DPP10: variants seen among roughly 807,000 people sequenced by gnomAD.
DPP10 encodes dipeptidyl peptidase like 10, also known as inactive dipeptidyl peptidase 10.
A neutral mutation model predicts 120.9 loss-of-function variants in DPP10; 33 were observed. The observed-to-expected ratio is 0.27, with a 90% CI of 0.21 to 0.37. DPP10 has a LOEUF of 0.37. Ranked by LOEUF, DPP10 falls within the 10% of genes least tolerant of loss-of-function variation. DPP10 has a pLI of 1.00. For missense variants in DPP10, 816 were observed against 942.8 expected (o/e 0.87, Z 1.76); for synonymous variants, 337 against 326.1 (o/e 1.03, Z -0.36).
chr2:114,513,681 T>C (rs559273380), intron 1 of DPP10, among the ~76,000 whole-genome samples: 1 of 152,236 alleles, frequency 6.6e-6, no homozygotes. Context: ...TTGGAATTGC[T>C]ATAGAAAGGA....
intron 1 of DPP10, among the ~76,000 whole-genome samples, chr2:114,923,606 G>T (rs538279028): frequency 1.3e-5 from 2 of 148,932 alleles, no homozygotes; most frequent in East Asian, 2.0e-4. Context: ...AGCCTCCTGA[G>T]TAGCTAGGAC....
At chr2:114,777,859 T>C (rs2106180515) in intron 1 of DPP10, among the ~76,000 whole-genome samples, 1 of 152,146 alleles carries the variant, frequency 6.6e-6, no homozygotes, top group South Asian at 2.1e-4. Flanking sequence ...AGTCAAAGAG[T>C]TCACTGTTCT....
intron 1 of DPP10, among the ~76,000 whole-genome samples, chr2:114,922,376 G>C (rs1695260475): frequency 6.6e-6 from 1 of 152,156 alleles, no homozygotes; most frequent in South Asian, 2.1e-4. Flanking sequence ...CCAATGGCAT[G>C]AACTCAGCTC....
intron 17 of DPP10, among the ~76,000 whole-genome samples, chr2:115,786,094 G>C (rs148199283): frequency 6.6e-6 from 1 of 152,066 alleles, no homozygotes; most frequent in East Asian, 1.9e-4. Context: ...AGTTTGATGT[G>C]CCTGAGGTTA....
chr2:114,636,908 A>T (rs1050263022), intron 1 of DPP10, among the ~76,000 whole-genome samples: 1 of 151,894 alleles, frequency 6.6e-6, no homozygotes, highest in African/African-American at 2.4e-5. Flanking sequence ...ATATGTAAAG[A>T]GGCTCAAATC....
At chr2:115,534,028 C>T (rs1027836570) in intron 5 of DPP10, among the ~76,000 whole-genome samples, 2 of 152,010 alleles carry the variant, frequency 1.3e-5, no homozygotes, top group Non-Finnish European at 2.9e-5. Flanking sequence ...GTATTTACAA[C>T]ATTTTTTGGT....
intron 3 of DPP10, among the ~76,000 whole-genome samples, chr2:115,410,362 C>T (rs577151936): frequency 4.7e-4 from 72 of 152,284 alleles, no homozygotes; most frequent in Non-Finnish European, 9.3e-4. Context: ...CCATTATTCT[C>T]AGCAGACTAA....
At chr2:114,461,972 A>G in intron 1 of DPP10, 1 of 985,432 alleles carries the variant, frequency 1.0e-6, no homozygotes, top group Non-Finnish European at 1.2e-6. Context: ...TCTAAGATAC[A>G]GAAGTCTCCC....
At chr2:114,832,300 G>A (rs564147897) in intron 1 of DPP10, among the ~76,000 whole-genome samples, 6 of 152,312 alleles carry the variant, frequency 3.9e-5, no homozygotes, top group East Asian at 1.9e-4. Context: ...TTTGGAGGCC[G>A]AGGCAGGTGG....
At chr2:114,801,336 A>G (rs911697395) in intron 1 of DPP10, among the ~76,000 whole-genome samples, 21 of 152,134 alleles carry the variant, frequency 1.4e-4, no homozygotes, top group Non-Finnish European at 1.2e-4. Context: ...CAAATGATGA[A>G]TGATTCTAGG....
chr2:115,157,114 A>G (rs1183405291), intron 1 of DPP10, among the ~76,000 whole-genome samples: 5 of 152,168 alleles, frequency 3.3e-5, no homozygotes, highest in Non-Finnish European at 5.9e-5. Context: ...TGGTGTTACA[A>G]TTCAGCTACA....
At chr2:114,641,620 C>T (rs1407286298) in intron 1 of DPP10, among the ~76,000 whole-genome samples, 1 of 151,880 alleles carries the variant, frequency 6.6e-6, no homozygotes, top group Non-Finnish European at 1.5e-5. Flanking sequence ...TTCTTGGCCA[C>T]AACTAAAGTA....
chr2:114,871,045 A>G (rs1461714884), intron 1 of DPP10, among the ~76,000 whole-genome samples: 1 of 132,576 alleles, frequency 7.5e-6, no homozygotes, highest in Admixed American at 8.0e-5. Context: ...GTCTTTATTA[A>G]TTGTCCTTTG....
chr2:115,768,626 G>T (rs1354383609), intron 13 of DPP10, among the ~76,000 whole-genome samples: 2 of 152,078 alleles, frequency 1.3e-5, no homozygotes, highest in African/African-American at 4.8e-5. Flanking sequence ...TGAGTTACAT[G>T]TGTGTCCTAT....
chr2:114,583,481 T>C (rs1690706617), intron 1 of DPP10, among the ~76,000 whole-genome samples: 1 of 152,228 alleles, frequency 6.6e-6, no homozygotes, highest in Admixed American at 6.5e-5. Flanking sequence ...TTATACTCTC[T>C]ATTAAGCACA....
intron 1 of DPP10, among the ~76,000 whole-genome samples, chr2:114,904,502 T>G (rs1693818193): frequency 6.6e-6 from 1 of 152,092 alleles, no homozygotes; most frequent in Non-Finnish European, 1.5e-5. Flanking sequence ...AGAGATGAAT[T>G]GAGGAAGACA....
intron 3 of DPP10, among the ~76,000 whole-genome samples, chr2:115,381,681 G>T (rs984032894): frequency 6.6e-6 from 1 of 152,140 alleles, no homozygotes; most frequent in African/African-American, 2.4e-5. Flanking sequence ...CATCTTTGTG[G>T]TTTTATCTAC....
rs983923227 is a variant in DPP10 at position 115,845,067 on chromosome 2, A to G, written c.*2722A>G. The G allele has an allele frequency of 6.6e-6, 1 of 151,992 alleles. No individual in the cohort carries two copies. Among genetic ancestry groups the G allele is most frequent in the African/African-American group, 2.4e-5 (1 of 41,356 alleles). The allele number at this position is 151,992 out of a possible 1,614,324, so 9.4% of individuals were successfully genotyped here. A position where few individuals can be genotyped will look rare whatever the true frequency, so the allele number is the denominator to read the frequency against. Reference sequence around the variant, plus strand: ...TCTTACAGATGTCTGTTGTAGATCTATTACAATGAGGTGACTTAGACATTG... The same window carrying G: ...TCTTACAGATGTCTGTTGTAGATCTGTTACAATGAGGTGACTTAGACATTG... On this transcript the variant is annotated 3_prime_UTR_variant, in exon 26 of 26. Coordinates refer to ENST00000410059, the MANE Select transcript of DPP10 (RefSeq NM_020868.6).
Position 115,600,169 on chromosome 2 carries a change from A to T in DPP10, c.441+74197A>T, listed in dbSNP as rs556030440. Among the ~76,000 whole-genome samples the T allele has an allele frequency of 5.3e-5, 8 of 152,184 alleles. No homozygotes were observed. The South Asian group carries it at 1.5e-3, about 28-fold the overall frequency. On this transcript the variant is annotated intron_variant, in intron 5 of 25. Transcript: ENST00000410059. ...ACCAATAAAATAGGGATTTTACGCTATGCTGCCCCAAGTTTTGATTCCCCT... is the reference window on the plus strand; with the variant it reads ...ACCAATAAAATAGGGATTTTACGCTTTGCTGCCCCAAGTTTTGATTCCCCT...
Sources: allele counts gnomAD v4.1 joint callset (sites outside exome capture counted in the v4.1 genomes callset), GRCh38; gene constraint gnomAD v4.1.1; transcripts MANE v1.5; gene names NCBI Gene and HGNC (gene_info 2026-07-23, HGNC 2026-07-21).